Variants in MLLT3 observed in about 807,000 individuals in gnomAD.
The protein encoded by MLLT3 is protein AF-9.
In MLLT3, 4 loss-of-function variants were observed where a neutral mutation model predicts 53.2. That is an observed-to-expected ratio of 0.08 (90% CI 0.04 to 0.17). MLLT3 has a LOEUF of 0.17. MLLT3 is among the 10% of genes least tolerant of loss of function. The pLI is 1.00. For synonymous variants in MLLT3, 283 were observed against 230.6 expected, an observed-to-expected ratio of 1.23 and a Z score of -2.06; for missense variants, 569 against 684.0, an observed-to-expected ratio of 0.83 and a Z score of 1.87.
intron 2 of MLLT3, among the ~76,000 whole-genome samples, chr9:20,461,442 C>T (rs1203285048): frequency 6.6e-6 from 1 of 152,010 alleles, no homozygotes; most frequent in Admixed American, 6.5e-5. Flanking sequence ...AAGTCAAACC[C>T]TTACTTATTA....
intron 2 of MLLT3, among the ~76,000 whole-genome samples, chr9:20,473,646 A>C (rs1824450813): frequency 6.6e-6 from 1 of 152,116 alleles, no homozygotes; most frequent in Non-Finnish European, 1.5e-5. Context: ...AATCCACCAG[A>C]TAATACTCAA....
At chr9:20,364,980 A>G (rs1353443733) in intron 6 of MLLT3, among the ~76,000 whole-genome samples, 1 of 152,242 alleles carries the variant, frequency 6.6e-6, no homozygotes, top group Non-Finnish European at 1.5e-5. Context: ...ATATATATTT[A>G]AAAGATAGCC....
chr9:20,433,192 G>A (rs1237815332), intron 4 of MLLT3, among the ~76,000 whole-genome samples: 1 of 152,082 alleles, frequency 6.6e-6, no homozygotes, highest in Non-Finnish European at 1.5e-5. Context: ...GAGAAATGCT[G>A]AATTCAGAGC....
chr9:20,455,838 TA>T (rs1442584894), intron 3 of MLLT3, among the ~76,000 whole-genome samples: 1 of 151,626 alleles, frequency 6.6e-6, no homozygotes, highest in African/African-American at 2.4e-5. Flanking sequence ...CCTCATTTCA[TA>T]AATAAGGAAA....
chr9:20,588,412 A>C (rs1820036531), intron 2 of MLLT3, among the ~76,000 whole-genome samples: 1 of 151,864 alleles, frequency 6.6e-6, no homozygotes, highest in Admixed American at 6.6e-5. Context: ...GATGGCATTG[A>C]ATCTGTAAAT....
At chr9:20,349,512 C>T (rs1279356803) in intron 10 of MLLT3, among the ~76,000 whole-genome samples, 1 of 151,124 alleles carries the variant, frequency 6.6e-6, no homozygotes, top group Non-Finnish European at 1.5e-5. Context: ...GAAACTAAAA[C>T]TCAGAAAGGC....
Position 20,344,257 on chromosome 9 carries a change from A to C in MLLT3, c.*2186T>G, listed in dbSNP as rs948947470. On this transcript the variant is annotated 3_prime_UTR_variant, in exon 11 of 11. Transcript: ENST00000380338. ...ATTGGCAAATCATATTTTTTGCCCC[A>C]CAATTTAGTTACAGAAATAAAAATG... is the stretch of plus-strand genomic sequence containing the variant. 4.0e-5 allele frequency: 8 copies of C among 198,882 alleles called. No homozygotes were observed. Among genetic ancestry groups the C allele is most frequent in the Non-Finnish European group, 8.3e-5 (8 of 96,388 alleles). 12.3% of individuals were successfully genotyped at this position (198,882 alleles called of 1,614,324 possible). A position where few individuals can be genotyped will look rare whatever the true frequency, so the allele number is the denominator to read the frequency against.
At chr9:20,535,852 T>C (rs1486528121) in intron 2 of MLLT3, among the ~76,000 whole-genome samples, 2 of 152,208 alleles carry the variant, frequency 1.3e-5, no homozygotes, top group Non-Finnish European at 2.9e-5. Flanking sequence ...TGCCCATCCA[T>C]TTTTAAGCTA....
At chr9:20,468,850 A>G (rs1368249937) in intron 2 of MLLT3, among the ~76,000 whole-genome samples, 1 of 152,240 alleles carries the variant, frequency 6.6e-6, no homozygotes, top group Non-Finnish European at 1.5e-5. Context: ...AACATTTATC[A>G]GCTAAACACC....
chr9:20,409,397 G>T (rs1267746050), intron 5 of MLLT3, among the ~76,000 whole-genome samples: 3 of 152,152 alleles, frequency 2.0e-5, no homozygotes, highest in Admixed American at 6.5e-5. Flanking sequence ...TACAGAAGAG[G>T]TGAAAGATAT....
chr9:20,532,144 T>A (rs1818355692), intron 2 of MLLT3, among the ~76,000 whole-genome samples: 1 of 152,098 alleles, frequency 6.6e-6, no homozygotes, highest in African/African-American at 2.4e-5. Flanking sequence ...TTATCAGCCA[T>A]CATTTAATCT....
intron 4 of MLLT3, among the ~76,000 whole-genome samples, chr9:20,443,310 C>T (rs943527434): frequency 6.6e-6 from 1 of 152,132 alleles, no homozygotes; most frequent in Non-Finnish European, 1.5e-5. Flanking sequence ...GTGCTTTCTT[C>T]GTAGAAGCAC....
chr9:20,357,649 C>T, intron 8 of MLLT3, among the ~76,000 whole-genome samples: 1 of 152,126 alleles, frequency 6.6e-6, no homozygotes, highest in East Asian at 1.9e-4. Context: ...TAATTACTTG[C>T]TTGGTTGACG....
At chr9:20,513,756 G>A (rs1325132019) in intron 2 of MLLT3, among the ~76,000 whole-genome samples, 1 of 152,208 alleles carries the variant, frequency 6.6e-6, no homozygotes, top group African/African-American at 2.4e-5. Flanking sequence ...CCGGGAGGAG[G>A]CAGGGAGTGG....
chr9:20,390,082 T>C (rs945844219), intron 5 of MLLT3, among the ~76,000 whole-genome samples: 1 of 152,180 alleles, frequency 6.6e-6, no homozygotes, highest in African/African-American at 2.4e-5. Context: ...GGGAAGTTAA[T>C]GATGAGTATG....
chr9:20,522,823 T>C (rs1426676345), intron 2 of MLLT3, among the ~76,000 whole-genome samples: 1 of 152,114 alleles, frequency 6.6e-6, no homozygotes, highest in African/African-American at 2.4e-5. Context: ...TCTCAGCATG[T>C]GGTGGTGCGT....
chr9:20,583,566 T>A (rs1269342245), intron 2 of MLLT3, among the ~76,000 whole-genome samples: 1 of 152,148 alleles, frequency 6.6e-6, no homozygotes, highest in African/African-American at 2.4e-5. Context: ...TTTCCATACA[T>A]CTTCTGCAAT....
intron 2 of MLLT3, among the ~76,000 whole-genome samples, chr9:20,491,807 G>A (rs1824955803): frequency 2.6e-5 from 4 of 152,056 alleles, no homozygotes; most frequent in Non-Finnish European, 5.9e-5. Flanking sequence ...ATGTTTTCTT[G>A]TGTGACTTTT....
chr9:20,569,184 C>T (rs904873848), intron 2 of MLLT3, among the ~76,000 whole-genome samples: 3 of 152,138 alleles, frequency 2.0e-5, no homozygotes, highest in African/African-American at 7.2e-5. Context: ...AGATCAACAA[C>T]AGCAGCCAGC....
Sources: allele counts gnomAD v4.1 joint callset (sites outside exome capture counted in the v4.1 genomes callset), GRCh38; gene constraint gnomAD v4.1.1; transcripts MANE v1.5; gene names NCBI Gene and HGNC (gene_info 2026-07-23, HGNC 2026-07-21).